Variants in PRR16 observed in about 807,000 individuals in gnomAD.
PRR16 encodes proline rich 16, also known as protein Largen.
Under a neutral mutation model 18.2 loss-of-function variants are expected in PRR16, and 6 were observed. The observed-to-expected ratio is 0.33, with a 90% CI of 0.18 to 0.65. The LOEUF (loss-of-function observed/expected upper bound fraction) is 0.65. Among genes scored for constraint, PRR16 ranks in the 30% least tolerant of loss-of-function variants. The probability of loss-of-function intolerance (pLI) is 0.74; values close to 1 mark genes in which losing one functional copy is unlikely to be tolerated. For missense variants in PRR16, 412 were observed against 376.6 expected (o/e 1.09, Z -0.78); for synonymous variants, 151 against 147.8 (o/e 1.02, Z -0.16).
chr5:120,743,326 T>G, the PRR16 span, among the ~76,000 whole-genome samples: 1 of 152,144 alleles, frequency 6.6e-6, no homozygotes, highest in Non-Finnish European at 1.5e-5. Flanking sequence ...TTGAGAAGCT[T>G]TTGTTTGATT....
intron 1 of PRR16, among the ~76,000 whole-genome samples, chr5:120,663,712 T>A (rs992041792): frequency 6.6e-6 from 1 of 152,200 alleles, no homozygotes; most frequent in Non-Finnish European, 1.5e-5. Context: ...TTCATATCAC[T>A]GTAGAGTATA....
chr5:120,622,106 A>G (rs1174329417), intron 1 of PRR16, among the ~76,000 whole-genome samples: 2 of 152,072 alleles, frequency 1.3e-5, no homozygotes, highest in African/African-American at 2.4e-5. Flanking sequence ...AGTTTTTTCC[A>G]TGGCACTTAT....
At chr5:120,582,646 A>C (rs17427447) in intron 1 of PRR16, among the ~76,000 whole-genome samples, 33,565 of 152,140 alleles carry the variant, frequency 0.22, 4,113 homozygotes, top group Middle Eastern at 0.36. Flanking sequence ...GCTTTTACCA[A>C]ACAGGAATTT....
chr5:120,731,880 A>T, the PRR16 span, among the ~76,000 whole-genome samples: 1 of 152,190 alleles, frequency 6.6e-6, no homozygotes. Flanking sequence ...TTACTAGCCA[A>T]AGAGACACAC....
chr5:120,507,790 T>C (rs1465850539), intron 1 of PRR16, among the ~76,000 whole-genome samples: 1 of 152,086 alleles, frequency 6.6e-6, no homozygotes, highest in African/African-American at 2.4e-5. Context: ...TGAGCTTGGG[T>C]GTCTTTAAAA....
rs1203268931 is a variant in PRR16 at position 120,666,355 on chromosome 5, T to G, written c.160-19599T>G. Among the ~76,000 whole-genome samples the G allele has an allele frequency of 2.1e-5, 3 of 143,776 alleles. No individual in the cohort carries two copies. In the East Asian group the frequency reaches 5.9e-4, roughly 29 times the overall value. The allele number at this position is 143,776 out of a possible 152,430, so 94.3% of individuals were successfully genotyped here. On this transcript the variant is annotated intron_variant, in intron 1 of 1. Transcript: ENST00000407149. ...GTTGCTTGTCAGCTTAAGGAGATTT[T>G]GGGCTGAGACAATGGGGTTTTCTAG...
At position 120,491,464 on chromosome 5, in the gene PRR16, CTTT is replaced by C. The variant is rs1561514075; in HGVS notation, c.159+26820_159+26822del. On this transcript the variant is annotated intron_variant, in intron 1 of 1. Transcript: ENST00000407149. ...CTTTCCTTTCCTTTCCTTTCCTTTC[CTTT>C]CCTTTCCTTTCCTTTCTTCCTTCCT... Among the ~76,000 whole-genome samples, 43 of 120,812 alleles carry C rather than the reference CTTT, an allele frequency of 3.6e-4. 1 individual carries two copies. The highest frequency in any genetic ancestry group is 1.5e-3 in the African/African-American group (42 of 28,384). The allele number at this position is 120,812 out of a possible 152,430, so 79.3% of individuals were successfully genotyped here. A position where few individuals can be genotyped will look rare whatever the true frequency, so the allele number is the denominator to read the frequency against.
intron 1 of PRR16, among the ~76,000 whole-genome samples, chr5:120,627,305 T>C (rs181671117): frequency 1.6e-3 from 243 of 152,260 alleles, no homozygotes; most frequent in Non-Finnish European, 2.3e-3. Context: ...GCTGCACTCA[T>C]TGCTCAAATT....
At chr5:120,610,241 C>T (rs576827955) in intron 1 of PRR16, among the ~76,000 whole-genome samples, 125 of 152,040 alleles carry the variant, frequency 8.2e-4, no homozygotes, top group African/African-American at 3.0e-3. Flanking sequence ...CAATACTGTA[C>T]TCTTTCTTTA....
At chr5:120,754,413 C>CTATATATTATATAATATATAGTATATAG in the PRR16 span, among the ~76,000 whole-genome samples, 15 of 24,186 alleles carry the variant, frequency 6.2e-4, 3 homozygotes, top group African/African-American at 1.7e-3. Flanking sequence ...ATACTATATA[C>CTATATATTATATAATATATAGTATATAG]TATATATTAT....
intron 1 of PRR16, among the ~76,000 whole-genome samples, chr5:120,667,521 T>C (rs1313863996): frequency 6.6e-6 from 1 of 151,514 alleles, no homozygotes; most frequent in Non-Finnish European, 1.5e-5. Flanking sequence ...TGCTCTTGCT[T>C]TTCTAGTTCT....
chr5:120,480,916 A>T (rs1266872848), intron 1 of PRR16, among the ~76,000 whole-genome samples: 2 of 152,162 alleles, frequency 1.3e-5, no homozygotes, highest in African/African-American at 4.8e-5. Flanking sequence ...CAATTATAAT[A>T]TTAAATATTC....
Position 120,617,177 on chromosome 5 carries a change from G to C in PRR16, c.160-68777G>C, listed in dbSNP as rs73786570. The C allele has an allele frequency of 2.0e-5, 20 of 985,332 alleles. No homozygotes were observed. In the African/African-American group the frequency reaches 3.5e-4, roughly 17 times the overall value. The allele number at this position is 985,332 out of a possible 1,614,324, so 61.0% of individuals were successfully genotyped here. On this transcript the variant is annotated intron_variant, in intron 1 of 1. Transcript: ENST00000407149. ...GGCATACAGTGACAACAGGACATCA[G>C]GAAATGCCCAAGAAGGTCAGCCCCA...
At chr5:120,647,224 A>G (rs1755631062) in intron 1 of PRR16, among the ~76,000 whole-genome samples, 1 of 151,960 alleles carries the variant, frequency 6.6e-6, no homozygotes, top group Non-Finnish European at 1.5e-5. Context: ...ACATTAACAA[A>G]TTTTGCCTAA....
intron 1 of PRR16, among the ~76,000 whole-genome samples, chr5:120,508,183 A>T (rs1750707323): frequency 6.6e-6 from 1 of 152,070 alleles, no homozygotes; most frequent in Admixed American, 6.6e-5. Context: ...TCCTGGAATA[A>T]AAATAGGAAT....
intron 1 of PRR16, among the ~76,000 whole-genome samples, chr5:120,488,265 A>G (rs1198857597): frequency 6.6e-6 from 1 of 152,140 alleles, no homozygotes; most frequent in Non-Finnish European, 1.5e-5. Context: ...TCGGCTGTGA[A>G]TCCATCTGGT....
intron 1 of PRR16, among the ~76,000 whole-genome samples, chr5:120,664,456 G>GT (rs139876334): frequency 0.88 from 130,729 of 148,008 alleles, 58,819 homozygotes; most frequent in East Asian, 1. Flanking sequence ...AAATGTTTTT[G>GT]TTTTTTTTTT....
chr5:120,636,075 G>A (rs1226032862), intron 1 of PRR16, among the ~76,000 whole-genome samples: 1 of 152,100 alleles, frequency 6.6e-6, no homozygotes, highest in Non-Finnish European at 1.5e-5. Flanking sequence ...AACCTAGGAT[G>A]TGAAAGACTT....
chr5:120,627,125 C>T (rs1754893156), intron 1 of PRR16, among the ~76,000 whole-genome samples: 1 of 152,064 alleles, frequency 6.6e-6, no homozygotes, highest in South Asian at 2.1e-4. Flanking sequence ...CTAAATTGTA[C>T]TTTGTGATAT....
Sources: gnomAD v4.1 joint callset for allele counts (sites outside exome capture counted in the v4.1 genomes callset) on GRCh38, gnomAD v4.1.1 for gene constraint, MANE v1.5 for transcripts, NCBI Gene and HGNC (gene_info 2026-07-23, HGNC 2026-07-21) for gene names.